The following ARRDC5 variants were observed in gnomAD, a reference collection of about 807,000 sequenced individuals.
The protein encoded by ARRDC5 is arrestin domain-containing protein 5.
Under a neutral mutation model 13.3 loss-of-function variants are expected in ARRDC5, and 12 were observed. That is an observed-to-expected ratio of 0.90 (90% CI 0.58 to 1.46). The LOEUF (loss-of-function observed/expected upper bound fraction) is 1.46, where lower values mean the gene tolerates loss of function less well. ARRDC5 is among the 40% of genes most tolerant of loss of function. The pLI, the probability that ARRDC5 is intolerant of heterozygous loss-of-function variation, is 0.00. For synonymous variants in ARRDC5, 181 were observed against 173.4 expected (o/e 1.04, Z -0.34); for missense variants, 406 against 418.7 (o/e 0.97, Z 0.26).
chr19:4,897,463 C>G (rs1306237691), intron 1 of ARRDC5, among the ~76,000 whole-genome samples: 2 of 152,110 alleles, frequency 1.3e-5, no homozygotes, highest in Non-Finnish European at 2.9e-5. Flanking sequence ...TTGCATATCC[C>G]TGCCCTGAGC....
chr19:4,904,575 C>T (rs1171051997), upstream of ARRDC5, among the ~76,000 whole-genome samples: 1 of 152,202 alleles, frequency 6.6e-6, no homozygotes. Context: ...ACTTGGCCTC[C>T]CAAAGTGCTG....
intron 2 of ARRDC5, among the ~76,000 whole-genome samples, chr19:4,895,494 G>A (rs917068178): frequency 9.3e-5 from 14 of 150,312 alleles, no homozygotes; most frequent in African/African-American, 2.7e-4. Context: ...GACATTTGTC[G>A]TCCTGTCCCA....
the ARRDC5 span, among the ~76,000 whole-genome samples, chr19:4,915,719 G>C: frequency 6.6e-6 from 1 of 151,334 alleles, no homozygotes; most frequent in Non-Finnish European, 1.5e-5. Flanking sequence ...CAAAAAAAAA[G>C]CAAAACAAAA....
rs2031745699 is a variant in ARRDC5 at position 4,896,681 on chromosome 19, GTTTC to G, written c.445_448del (p.Glu149ProfsTer88). The G allele has an allele frequency of 6.2e-7, 1 of 1,612,082 alleles. No homozygotes were observed. Among genetic ancestry groups the G allele is most frequent in the Admixed American group, 1.7e-5 (1 of 59,940 alleles). On this transcript the variant is annotated frameshift_variant, in exon 2 of 3. Transcript: ENST00000650722. LOFTEE classifies it low-confidence loss of function (END_TRUNC). ...TTCCCCCATCGGTACCTGGAATGGG[GTTTC>G]TTTGTGGAAGGTGGAAGTTCCTTGA...
rs1350554937 is a variant in ARRDC5, at chr19:4,899,817, T to G, written c.253+2756A>C. Among the ~76,000 whole-genome samples, 105 of 144,634 alleles carry G rather than the reference T, an allele frequency of 7.3e-4. 2 individuals carry two copies. The highest frequency in any genetic ancestry group is 3.8e-4 in the Non-Finnish European group (25 of 66,370). 94.9% of individuals were successfully genotyped at this position (144,634 alleles called of 152,430 possible). A position where few individuals can be genotyped will look rare whatever the true frequency, so the allele number is the denominator to read the frequency against. ...AGCCAGGCGTGGTGGCGGGCACCTG[T>G]AGTCCCAGCTACTCAGGAGGCTGAG... On this transcript the variant is annotated intron_variant, in intron 1 of 2. Transcript: ENST00000650722.
chr19:4,903,061 C>T, upstream of ARRDC5: 1 of 439,752 alleles, frequency 2.3e-6, no homozygotes, highest in South Asian at 2.2e-5. Context: ...GAGTCTTACC[C>T]TGTAGCCCAG....
At chr19:4,897,041 C>G (rs1389659772) in intron 1 of ARRDC5, among the ~76,000 whole-genome samples, 165 bp from the exon 2 acceptor site, 1 of 152,082 alleles carries the variant, frequency 6.6e-6, no homozygotes, top group Non-Finnish European at 1.5e-5. Flanking sequence ...ACAGCAACCT[C>G]TGCCTCCTAG....
intron 1 of ARRDC5, among the ~76,000 whole-genome samples, chr19:4,898,049 T>C (rs939307188): frequency 2.8e-4 from 42 of 152,156 alleles, no homozygotes; most frequent in Non-Finnish European, 5.7e-4. Flanking sequence ...ATCATGCCAC[T>C]GTACTCCAGC....
intron 1 of ARRDC5, among the ~76,000 whole-genome samples, chr19:4,899,788 A>AAAAAG: frequency 6.9e-6 from 1 of 145,912 alleles, no homozygotes; most frequent in Non-Finnish European, 1.5e-5. Flanking sequence ...AAAAAAAAAA[A>AAAAAG]ATTAGCCAGG....
At chr19:4,911,027 A>C in the ARRDC5 span, 1 of 1,598,746 alleles carries the variant, frequency 6.3e-7, no homozygotes, top group Non-Finnish European at 8.5e-7. Flanking sequence ...GCTGTTCTAC[A>C]GGGGCAAACA....
rs557770276 is a variant in ARRDC5 at position 4,895,197 on chromosome 19, G to T, written c.459+1474C>A. 4.6e-5 allele frequency among the ~76,000 whole-genome samples: 7 copies of T among 151,740 alleles called. No individual in the cohort carries two copies. The South Asian group carries it at 1.5e-3, about 31-fold the overall frequency. ...AGCACTTTGGGAGGCCTAGGCAGGC[G>T]GATCACCTGAAGTCAGGAGTTTAAG... On this transcript the variant is annotated intron_variant, in intron 2 of 2. Coordinates refer to ENST00000650722, the MANE Select transcript of ARRDC5 (RefSeq NM_001080523.3).
At chr19:4,905,648 G>C (rs1195980442), upstream of ARRDC5, among the ~76,000 whole-genome samples, 1 of 152,022 alleles carries the variant, frequency 6.6e-6, no homozygotes, top group Admixed American at 6.6e-5. Context: ...CTCCCGAGTA[G>C]CTGGGATTAT....
rs1313753063 is a variant in ARRDC5, at chr19:4,891,078, C to T, written c.955G>A (p.Val319Met). Reference sequence around the variant, plus strand: ...TGGTGATCTGGGTTCACGGGTAACACTCCGTCCTCTGACAGCTGGCAGATG... The same window carrying T: ...TGGTGATCTGGGTTCACGGGTAACATTCCGTCCTCTGACAGCTGGCAGATG... ...SAICQLSEDG[V>M]LPVNPDHQN The change falls in exon 3 of 3, where the codon GTG becomes ATG. Residue 319 changes from valine (V) to methionine (M), a missense_variant. By Grantham distance (21) the Val-to-Met change is conservative. Transcript: ENST00000650722. The T allele has an allele frequency of 1.2e-6, 2 of 1,613,434 alleles. No homozygotes were observed. The highest frequency in any genetic ancestry group is 2.2e-5 in the South Asian group (2 of 91,024).
At position 4,896,854 on chromosome 19, in the gene ARRDC5, G is replaced by A; in HGVS notation, c.276C>T (p.Ser92=). 1 of 1,613,712 alleles carries A rather than the reference G, an allele frequency of 6.2e-7. No individual in the cohort carries two copies. ...AGTTGAAATGGAAGTCAAAGGTGTG[G>A]CTGCCTGCACTTAACCAATTATCTG... ...PVEDNWLSAG[S]HTFDFHFNLP... is the part of the protein sequence containing the mutation. The change falls in exon 2 of 3, where the codon AGC becomes AGT. Residue 92 remains serine, a synonymous_variant. Transcript: ENST00000650722.
At chr19:4,910,927 C>G in the ARRDC5 span, 1 of 1,613,638 alleles carries the variant, frequency 6.2e-7, no homozygotes, top group Non-Finnish European at 8.5e-7. Context: ...GGCAGACCCA[C>G]ACGGTGGACT....
At chr19:4,896,066 G>A (rs1174400986) in intron 2 of ARRDC5, among the ~76,000 whole-genome samples, 1 of 152,126 alleles carries the variant, frequency 6.6e-6, no homozygotes, top group Non-Finnish European at 1.5e-5. Flanking sequence ...TGTAATCCCA[G>A]CACTTTGGGA....
chr19:4,896,716 TA>T lies in ARRDC5; in HGVS notation c.413del (p.Leu138TyrfsTer100). 1.9e-6 allele frequency: 3 copies of T among 1,613,670 alleles called. No individual in the cohort carries two copies. Among genetic ancestry groups the T allele is most frequent in the Non-Finnish European group, 2.5e-6 (3 of 1,179,710 alleles). ...GGAAGGTGGAAGTTCCTTGAACCAA[TA>T]AGTACATCCTCTTCTTGGCTAAAAT... ...EHILAKKRMYLLVQGTSTFHK... is the reference protein window; with the variant it reads ...EHILAKKRMYXLVQGTSTFHK... On this transcript the variant is annotated frameshift_variant, in exon 2 of 3. Coordinates refer to ENST00000650722, the MANE Select transcript of ARRDC5 (RefSeq NM_001080523.3). LOFTEE classifies it low-confidence loss of function (END_TRUNC).
upstream of ARRDC5, among the ~76,000 whole-genome samples, chr19:4,905,461 A>T (rs1333412345): frequency 6.9e-6 from 1 of 145,532 alleles, no homozygotes; most frequent in Middle Eastern, 3.3e-3. Context: ...TTTTTTTGCA[A>T]TTTTTTTTTT....
At chr19:4,903,940 C>T (rs969362877), upstream of ARRDC5, among the ~76,000 whole-genome samples, 6 of 152,070 alleles carry the variant, frequency 3.9e-5, no homozygotes, top group African/African-American at 1.4e-4. Flanking sequence ...ATCTGAACAT[C>T]GACACCATCA....
Sources: gnomAD v4.1 joint callset for allele counts (sites outside exome capture counted in the v4.1 genomes callset) on GRCh38, gnomAD v4.1.1 for gene constraint, MANE v1.5 for transcripts, NCBI Gene and HGNC (gene_info 2026-07-23, HGNC 2026-07-21) for gene names.